Variants in QPCT observed in about 807,000 individuals in gnomAD.
QPCT encodes the protein EC.
In QPCT, 44 loss-of-function variants were observed where a neutral mutation model predicts 43.4. The observed-to-expected ratio is 1.01, with a 90% CI of 0.80 to 1.30. The LOEUF is 1.30. QPCT is among the 50% of genes most tolerant of loss of function. QPCT has a pLI of 0.00. For synonymous variants in QPCT, 168 were observed against 168.4 expected, an observed-to-expected ratio of 1.00 and a Z score of 0.02; for missense variants, 526 against 436.5, an observed-to-expected ratio of 1.21 and a Z score of -1.83.
chr2:37,349,965 C>T (rs1474468972), intron 1 of QPCT, among the ~76,000 whole-genome samples: 1 of 152,028 alleles, frequency 6.6e-6, no homozygotes, highest in African/African-American at 2.4e-5. Flanking sequence ...TGAACCAGGC[C>T]CTGTGTGGCC....
At chr2:37,347,733 G>A (rs1348186572) in intron 1 of QPCT, among the ~76,000 whole-genome samples, 1 of 152,070 alleles carries the variant, frequency 6.6e-6, no homozygotes, top group Non-Finnish European at 1.5e-5. Context: ...TATTCCTTTA[G>A]TACAGGCCCA....
intron 3 of QPCT, among the ~76,000 whole-genome samples, chr2:37,366,650 G>C (rs1261328997): frequency 6.6e-6 from 1 of 152,166 alleles, no homozygotes; most frequent in Non-Finnish European, 1.5e-5. Flanking sequence ...TCACTTATTA[G>C]GGAGTGGCCT....
Position 37,369,758 on chromosome 2 carries a change from G to C in QPCT, c.797G>C (p.Arg266Thr). ...TFPNFFPNSA[R>T]WFERLQAIEH... ...CCCAATTTTTTTCCAAACTCAGCCAGGTGGTTCGAAAGACTTCAAGCAATT... is the reference window on the plus strand; with the variant it reads ...CCCAATTTTTTTCCAAACTCAGCCACGTGGTTCGAAAGACTTCAAGCAATT... Residue 266 changes from arginine to threonine, a missense_variant, in exon 5 of 7, where the codon AGG (arginine) becomes ACG (threonine). Physicochemically the swap from Arg to Thr is moderately conservative, Grantham distance 71 (BLOSUM62 -1). Transcript: ENST00000338415. 6.2e-7 allele frequency: 1 copy of C among 1,602,166 alleles called. No individual in the cohort carries two copies. The highest frequency in any genetic ancestry group is 1.7e-4 in the Middle Eastern group (1 of 6,046).
chr2:37,372,005 G>T (rs1434005100), intron 5 of QPCT, among the ~76,000 whole-genome samples: 1 of 151,706 alleles, frequency 6.6e-6, no homozygotes, highest in African/African-American at 2.4e-5. Flanking sequence ...CAGCATCTTG[G>T]ACCTATAAGC....
Position 37,359,573 on chromosome 2 carries a change from T to C in QPCT, c.268-7T>C, listed in dbSNP as rs932820993. 4.4e-6 allele frequency: 7 copies of C among 1,588,810 alleles called. No homozygotes were observed. In the African/African-American group the frequency reaches 9.5e-5, roughly 22 times the overall value. On this transcript the variant is annotated splice_polypyrimidine_tract_variant and splice_region_variant and intron_variant, in intron 2 of 6. Transcript: ENST00000338415. ...ATCTAAATTTTTTGTTTTTTTGTTT[T>C]GATCAGCACATCATGCAGCGAATTC...
rs1044103055 is a variant in QPCT at position 37,344,639 on chromosome 2, A to C, written c.-93A>C. 3.3e-6 allele frequency: 5 copies of C among 1,498,222 alleles called. No homozygotes were observed. In the African/African-American group the frequency reaches 7.0e-5, roughly 21 times the overall value. The allele number at this position is 1,498,222 out of a possible 1,614,324, so 92.8% of individuals were successfully genotyped here. On this transcript the variant is annotated 5_prime_UTR_variant, in exon 1 of 7. Coordinates refer to ENST00000338415, the MANE Select transcript of QPCT (RefSeq NM_012413.4). ...ATGGGAAGGCGGGCGCAGTCGACCC[A>C]AGGGTGGAGAAGAGGGAAGGCGAAG...
chr2:37,355,821 G>A (rs1279297614), intron 2 of QPCT, among the ~76,000 whole-genome samples: 1 of 152,116 alleles, frequency 6.6e-6, no homozygotes, highest in African/African-American at 2.4e-5. Context: ...AATATCCTTT[G>A]TCTAAAAGAG....
chr2:37,368,510 T>A (rs1055856854), intron 4 of QPCT: 1 of 454,540 alleles, frequency 2.2e-6, no homozygotes, highest in African/African-American at 2.0e-5. Flanking sequence ...CCCCCGCTTA[T>A]TCCTATCCAT....
In QPCT at chr2:37,364,309, T is replaced by A. The variant is rs143630477; in HGVS notation, c.547-2923T>A. 1.6e-3 allele frequency among the ~76,000 whole-genome samples: 244 copies of A among 152,134 alleles called. 1 individual carries two copies. The highest frequency in any genetic ancestry group is 5.4e-3 in the African/African-American group (224 of 41,494). ...AGTTCAGCTCACTGGGGGTCCCATA[T>A]AGGAGAGGCAGAAATCTGCAGGTTG... On this transcript the variant is annotated intron_variant, in intron 3 of 6. Coordinates refer to ENST00000338415, the MANE Select transcript of QPCT (RefSeq NM_012413.4).
intron 2 of QPCT, among the ~76,000 whole-genome samples, chr2:37,355,153 A>G (rs984335268): frequency 2.0e-5 from 3 of 152,220 alleles, no homozygotes; most frequent in Non-Finnish European, 2.9e-5. Context: ...CTGCCTATGC[A>G]TGGGCTGGCT....
intron 3 of QPCT, 21 bp downstream of exon 3, chr2:37,359,879 G>T (rs760735518): frequency 1.2e-6 from 2 of 1,606,362 alleles, no homozygotes; most frequent in South Asian, 1.1e-5. Flanking sequence ...TCTGCTTATT[G>T]ATTCCTAGGA....
Position 37,356,434 on chromosome 2 carries a change from G to A in QPCT, c.268-3146G>A, listed in dbSNP as rs540484994. Among the ~76,000 whole-genome samples the A allele has an allele frequency of 1.3e-4, 20 of 152,212 alleles. No homozygotes were observed. In the South Asian group the frequency reaches 4.1e-3, roughly 32 times the overall value. On this transcript the variant is annotated intron_variant, in intron 2 of 6. Coordinates refer to ENST00000338415, the MANE Select transcript of QPCT (RefSeq NM_012413.4). ...TCTAAATTGCCTTTCGGCACTCCTGGAGGGTCCAGCCCTTTGCTGCTTTGG... is the reference window on the plus strand; with the variant it reads ...TCTAAATTGCCTTTCGGCACTCCTGAAGGGTCCAGCCCTTTGCTGCTTTGG...
intron 1 of QPCT, among the ~76,000 whole-genome samples, chr2:37,347,133 T>G (rs1672503221): frequency 1.6e-5 from 1 of 60,960 alleles, no homozygotes; most frequent in South Asian, 7.7e-4. Flanking sequence ...GGCATCTGGG[T>G]ATGGGGTGTT....
chr2:37,372,125 C>T (rs1406644549), intron 5 of QPCT, among the ~76,000 whole-genome samples: 1 of 152,118 alleles, frequency 6.6e-6, no homozygotes, highest in African/African-American at 2.4e-5. Context: ...AGGTTCTCAC[C>T]TGTAAGTTTA....
At chr2:37,347,803 CT>C in intron 1 of QPCT, among the ~76,000 whole-genome samples, 1 of 152,258 alleles carries the variant, frequency 6.6e-6, no homozygotes. Flanking sequence ...ATCATTCTTC[CT>C]TAGGTGCGAA....
At chr2:37,362,189 G>C (rs1485686481) in intron 3 of QPCT, among the ~76,000 whole-genome samples, 1 of 152,172 alleles carries the variant, frequency 6.6e-6, no homozygotes, top group African/African-American at 2.4e-5. Flanking sequence ...ATTTCCGTTT[G>C]CCTATGCCCT....
rs62133278 is a variant in QPCT, at chr2:37,347,166, C to A, written c.120+2315C>A. Among the ~76,000 whole-genome samples the A allele has an allele frequency of 1.6e-3, 49 of 31,178 alleles. 2 individuals carry two copies. The highest frequency in any genetic ancestry group is 4.9e-3 in the African/African-American group (29 of 5,956). The allele number at this position is 31,178 out of a possible 152,430, so 20.5% of individuals were successfully genotyped here. ...GTTTTATATATATATATATATATAA[C>A]ATATATATATATAACATATATATAT... On this transcript the variant is annotated intron_variant, in intron 1 of 6. Coordinates refer to ENST00000338415, the MANE Select transcript of QPCT (RefSeq NM_012413.4).
At position 37,344,813 on chromosome 2, in the gene QPCT, G is replaced by C. The variant is rs779520320; in HGVS notation, c.82G>C (p.Gly28Arg). ...LVAALPWASR[G>R]VSPSASAWPE... ...GGCCGCCCTGCCCTGGGCATCCAGG[G>C]GGGTCAGTCCGAGTGCCTCAGCCTG... Residue 28 changes from glycine to arginine, a missense_variant, in exon 1 of 7, where the codon GGG becomes CGG. Transcript: ENST00000338415. 8.1e-6 allele frequency: 13 copies of C among 1,608,308 alleles called. No individual in the cohort carries two copies. The African/African-American group carries it at 1.5e-4, about 18-fold the overall frequency.
chr2:37,364,588 G>C (rs1558605815), intron 3 of QPCT, among the ~76,000 whole-genome samples: 1 of 152,216 alleles, frequency 6.6e-6, no homozygotes, highest in Non-Finnish European at 1.5e-5. Flanking sequence ...GGTTTGCAGA[G>C]GCAGGACGAA....
Sources: allele counts gnomAD v4.1 joint callset (sites outside exome capture counted in the v4.1 genomes callset), GRCh38; gene constraint gnomAD v4.1.1; transcripts MANE v1.5; gene names NCBI Gene and HGNC (gene_info 2026-07-23, HGNC 2026-07-21).